Variants in RPS6KC1 observed in about 807,000 individuals in gnomAD.
RPS6KC1 encodes ribosomal protein S6 kinase C1.
In RPS6KC1, 54 loss-of-function variants were observed where a neutral mutation model predicts 103.8. That is an observed-to-expected ratio of 0.52 (90% confidence interval 0.42 to 0.65). The LOEUF is 0.65. Among genes scored for constraint, RPS6KC1 ranks in the 30% least tolerant of loss-of-function variants. The pLI is 0.00. For missense variants in RPS6KC1, 1,151 were observed against 1,253.8 expected, an observed-to-expected ratio of 0.92 and a Z score of 1.24; for synonymous variants, 439 against 438.7, an observed-to-expected ratio of 1.00 and a Z score of -0.01.
intron 8 of RPS6KC1, among the ~76,000 whole-genome samples, chr1:213,208,034 C>G (rs990617040): frequency 6.6e-5 from 10 of 152,168 alleles, no homozygotes; most frequent in Non-Finnish European, 1.0e-4. Context: ...CACAAATTAT[C>G]AAACCTTCAG....
At chr1:213,415,642 G>A in the RPS6KC1 span, among the ~76,000 whole-genome samples, 111 of 152,330 alleles carry the variant, frequency 7.3e-4, 1 homozygote, top group South Asian at 7.5e-3. Flanking sequence ...GACCTTGAGA[G>A]GGGCAGCACT....
the RPS6KC1 span, among the ~76,000 whole-genome samples, chr1:213,501,237 T>C: frequency 1.3e-5 from 2 of 152,164 alleles, no homozygotes; most frequent in African/African-American, 2.4e-5. Context: ...GAAATAATAA[T>C]TGAAAGTTTG....
intron 2 of RPS6KC1, among the ~76,000 whole-genome samples, chr1:213,072,659 A>T (rs2078991689): frequency 6.6e-6 from 1 of 152,230 alleles, no homozygotes. Context: ...GAAAGAAAAA[A>T]ATGTATACAT....
the RPS6KC1 span, among the ~76,000 whole-genome samples, chr1:213,568,138 G>A: frequency 6.6e-6 from 1 of 152,184 alleles, no homozygotes; most frequent in South Asian, 2.1e-4. Flanking sequence ...GTCACTTGCT[G>A]TTAATAATAA....
chr1:213,498,140 T>C, the RPS6KC1 span, among the ~76,000 whole-genome samples: 1 of 152,178 alleles, frequency 6.6e-6, no homozygotes, highest in African/African-American at 2.4e-5. Flanking sequence ...GGGTGAACAT[T>C]ATCTTATACC....
At chr1:213,080,783 T>G (rs911853209) in intron 3 of RPS6KC1, among the ~76,000 whole-genome samples, 5 of 152,208 alleles carry the variant, frequency 3.3e-5, no homozygotes, top group African/African-American at 1.2e-4. Context: ...CAGGCTGGTC[T>G]TTAACACCTG....
the RPS6KC1 span, among the ~76,000 whole-genome samples, chr1:213,802,886 G>T: frequency 6.6e-6 from 1 of 152,120 alleles, no homozygotes; most frequent in Non-Finnish European, 1.5e-5. Flanking sequence ...GGAATGTTTA[G>T]CCTGGAGAAG....
chr1:213,238,079 T>C (rs1358208173), intron 10 of RPS6KC1, among the ~76,000 whole-genome samples: 2 of 152,260 alleles, frequency 1.3e-5, no homozygotes, highest in East Asian at 3.9e-4. Context: ...GATAGAATCC[T>C]CTGCCTGCAG....
the RPS6KC1 span, among the ~76,000 whole-genome samples, chr1:213,816,269 G>A: frequency 6.6e-6 from 1 of 152,146 alleles, no homozygotes; most frequent in Non-Finnish European, 1.5e-5. Flanking sequence ...GAAAAAGATG[G>A]CATCAATAGA....
At chr1:213,388,250 C>T in the RPS6KC1 span, among the ~76,000 whole-genome samples, 1 of 152,256 alleles carries the variant, frequency 6.6e-6, no homozygotes, top group African/African-American at 2.4e-5. Flanking sequence ...GCCACCACTG[C>T]CCTTGGACGG....
At chr1:213,305,767 C>T in the RPS6KC1 span, among the ~76,000 whole-genome samples, 3 of 152,204 alleles carry the variant, frequency 2.0e-5, no homozygotes. Context: ...TTTCTCTGTC[C>T]ATGTTTTCTT....
chr1:213,583,390 A>C, the RPS6KC1 span, among the ~76,000 whole-genome samples: 1 of 152,118 alleles, frequency 6.6e-6, no homozygotes, highest in Non-Finnish European at 1.5e-5. Flanking sequence ...AGGAGGGTTG[A>C]AGTTGCAGAG....
chr1:213,620,499 G>C, the RPS6KC1 span, among the ~76,000 whole-genome samples: 1 of 152,158 alleles, frequency 6.6e-6, no homozygotes, highest in African/African-American at 2.4e-5. Flanking sequence ...TTCTCTTCAA[G>C]GGTAGGCCCA....
chr1:213,298,708 T>G, the RPS6KC1 span, among the ~76,000 whole-genome samples: 1 of 152,174 alleles, frequency 6.6e-6, no homozygotes, highest in Non-Finnish European at 1.5e-5. Context: ...ATTTCAATAA[T>G]TCTTTTCTTT....
the RPS6KC1 span, among the ~76,000 whole-genome samples, chr1:213,323,805 A>G: frequency 2.6e-5 from 4 of 152,116 alleles, no homozygotes; most frequent in Admixed American, 2.6e-4. Flanking sequence ...AGTCTCCTCT[A>G]TTATCAATAT....
intron 1 of RPS6KC1, among the ~76,000 whole-genome samples, chr1:213,066,432 GT>G (rs1368748985): frequency 2.0e-5 from 3 of 152,188 alleles, no homozygotes. Flanking sequence ...GAAGTATTTG[GT>G]GGGTACAGAG....
the RPS6KC1 span, among the ~76,000 whole-genome samples, chr1:213,452,862 C>T: frequency 5.9e-5 from 9 of 152,344 alleles, no homozygotes; most frequent in South Asian, 1.9e-3. Context: ...TTCATTTCTA[C>T]TTGGCTTTGG....
At chr1:213,102,949 A>G (rs780378915) in intron 3 of RPS6KC1, among the ~76,000 whole-genome samples, 1 of 152,074 alleles carries the variant, frequency 6.6e-6, no homozygotes, top group Non-Finnish European at 1.5e-5. Flanking sequence ...TGCCTGCAAT[A>G]CAATCCCAGC....
At chr1:213,559,750 T>C in the RPS6KC1 span, among the ~76,000 whole-genome samples, 1 of 152,202 alleles carries the variant, frequency 6.6e-6, no homozygotes, top group Admixed American at 6.5e-5. Flanking sequence ...TGTAATTTAA[T>C]TTTTTTATAG....
Sources: allele counts gnomAD v4.1 joint callset (sites outside exome capture counted in the v4.1 genomes callset), GRCh38; gene constraint gnomAD v4.1.1; transcripts MANE v1.5; gene names NCBI Gene and HGNC (gene_info 2026-07-23, HGNC 2026-07-21).